MTHFD1L: variants seen among roughly 807,000 people sequenced by gnomAD.
MTHFD1L encodes the protein monofunctional C1-tetrahydrofolate synthase, mitochondrial.
Under a neutral mutation model 119.5 loss-of-function variants are expected in MTHFD1L, and 81 were observed. That is an observed-to-expected ratio of 0.68 (90% CI 0.57 to 0.82). The LOEUF is 0.82. MTHFD1L is among the 40% of genes least tolerant of loss of function. MTHFD1L has a pLI of 0.00. For missense variants in MTHFD1L, 1,125 were observed against 1,253.4 expected (o/e 0.90, Z 1.55); for synonymous variants, 430 against 475.2 (o/e 0.90, Z 1.24).
At chr6:150,875,202 C>T (rs1251435061) in intron 1 of MTHFD1L, among the ~76,000 whole-genome samples, 3 of 152,060 alleles carry the variant, frequency 2.0e-5, no homozygotes, top group Admixed American at 1.3e-4. Flanking sequence ...ACTACAGTCA[C>T]GTGCCATCAC....
intron 1 of MTHFD1L, 195 bp from the exon 2 acceptor site, chr6:150,875,895 G>A (rs144863373): frequency 2.6e-5 from 13 of 495,360 alleles, no homozygotes; most frequent in South Asian, 2.2e-4. Context: ...CTGGATTGCC[G>A]CATTTTACCT....
intron 1 of MTHFD1L, among the ~76,000 whole-genome samples, chr6:150,869,235 C>T (rs1372873821): frequency 2.6e-5 from 4 of 151,982 alleles, no homozygotes; most frequent in African/African-American, 4.8e-5. Context: ...GGTATACATG[C>T]GCCATGGTGG....
At chr6:150,969,640 G>A (rs1583868376) in intron 19 of MTHFD1L, among the ~76,000 whole-genome samples, 1 of 152,140 alleles carries the variant, frequency 6.6e-6, no homozygotes, top group East Asian at 1.9e-4. Flanking sequence ...AAGTATGAAG[G>A]TACATAGACA....
At chr6:150,889,145 C>G (rs1390939089) in intron 7 of MTHFD1L, among the ~76,000 whole-genome samples, 4 of 151,486 alleles carry the variant, frequency 2.6e-5, no homozygotes, top group Non-Finnish European at 5.9e-5. Flanking sequence ...CCACTGCACT[C>G]CAGCCTGCGC....
intron 20 of MTHFD1L, among the ~76,000 whole-genome samples, chr6:151,003,547 GGAAAGGTCA>G (rs1385140373): frequency 2.0e-5 from 3 of 151,968 alleles, no homozygotes; most frequent in African/African-American, 7.3e-5. Flanking sequence ...AAAAAAGGGG[GGAAAGGTCA>G]GAAAGACGTT....
At chr6:151,064,781 C>CTT (rs1487713760) in intron 26 of MTHFD1L, among the ~76,000 whole-genome samples, 1 of 125,886 alleles carries the variant, frequency 7.9e-6, no homozygotes, top group African/African-American at 2.5e-5. Context: ...TGTTACTATT[C>CTT]TTTTTTTGTT....
At chr6:150,955,879 G>A in intron 16 of MTHFD1L, 116 bp from the exon 17 acceptor site, 1 of 811,256 alleles carries the variant, frequency 1.2e-6, no homozygotes, top group Non-Finnish European at 2.1e-6. Context: ...GCTTGGGGGA[G>A]CCTGACCTTT....
chr6:150,951,044 G>T (rs803467), intron 16 of MTHFD1L, among the ~76,000 whole-genome samples: 85,002 of 121,828 alleles, frequency 0.7, 28,068 homozygotes, highest in East Asian at 0.96. Context: ...TTTTTTTTTT[G>T]TTTTTTTTTT....
intron 20 of MTHFD1L, among the ~76,000 whole-genome samples, chr6:151,001,246 T>C (rs1323605875): frequency 6.6e-6 from 1 of 152,172 alleles, no homozygotes; most frequent in Non-Finnish European, 1.5e-5. Context: ...AATCCGACAG[T>C]TCTAATTTCT....
chr6:150,891,793 T>TA (rs1562327458), intron 7 of MTHFD1L, among the ~76,000 whole-genome samples: 2 of 152,116 alleles, frequency 1.3e-5, no homozygotes, highest in Non-Finnish European at 2.9e-5. Context: ...TTTTTCATTT[T>TA]AAAAAATGAT....
chr6:150,948,798 GCCCA>G (rs1794433083), intron 15 of MTHFD1L, among the ~76,000 whole-genome samples: 1 of 83,396 alleles, frequency 1.2e-5, no homozygotes, highest in Non-Finnish European at 3.3e-5. Context: ...GCGCCACCAT[GCCCA>G]GCTAATTTTT....
intron 20 of MTHFD1L, among the ~76,000 whole-genome samples, chr6:151,003,657 C>T (rs1197062224): frequency 2.0e-5 from 3 of 152,158 alleles, no homozygotes; most frequent in East Asian, 1.9e-4. Context: ...AAGACACTGG[C>T]ACACAGATGA....
At chr6:150,978,345 G>A (rs1776943248) in intron 20 of MTHFD1L, among the ~76,000 whole-genome samples, 1 of 152,108 alleles carries the variant, frequency 6.6e-6, no homozygotes, top group African/African-American at 2.4e-5. Context: ...TACACATTTG[G>A]CATTTATTAT....
chr6:151,007,953 T>G (rs1781632509), intron 20 of MTHFD1L, among the ~76,000 whole-genome samples: 1 of 152,224 alleles, frequency 6.6e-6, no homozygotes, highest in Non-Finnish European at 1.5e-5. Context: ...TGTAGCTATA[T>G]TTATCCAAAT....
At chr6:150,874,729 A>G (rs1292889432) in intron 1 of MTHFD1L, among the ~76,000 whole-genome samples, 2 of 151,438 alleles carry the variant, frequency 1.3e-5, no homozygotes, top group Non-Finnish European at 2.9e-5. Flanking sequence ...GCAGTCACTC[A>G]TCCCAGAAGG....
At chr6:150,912,495 G>A (rs1036461756) in intron 8 of MTHFD1L, among the ~76,000 whole-genome samples, 7 of 152,050 alleles carry the variant, frequency 4.6e-5, no homozygotes, top group East Asian at 3.9e-4. Flanking sequence ...AGATGTTTCC[G>A]CAGAGCCGAG....
rs1450117101 is a variant in MTHFD1L at position 150,903,677 on chromosome 6, G to C, written c.781-1973G>C. Among the ~76,000 whole-genome samples, 10 of 152,232 alleles carry C rather than the reference G, an allele frequency of 6.6e-5. No homozygotes were observed. The East Asian group carries it at 1.9e-3, about 29-fold the overall frequency. ...GGGCTCAAGCAGTCTTCCCACCCTG[G>C]CCTCCCAAAGTGCTGGGATTACCCA... On this transcript the variant is annotated intron_variant, in intron 7 of 27. Coordinates refer to ENST00000367321, the MANE Select transcript of MTHFD1L (RefSeq NM_015440.5).
Position 150,882,822 on chromosome 6 carries a change from A to T in MTHFD1L, c.478A>T (p.Ile160Phe). ...DTRVHGLALQ[I>F]SENLFSNKVL... ...CAGAGTACATGGCCTTGCCCTTCAG[A>T]TCTCTGAGAACTTGTTTAGCAACAA... is the stretch of plus-strand genomic sequence containing the variant. The change falls in exon 5 of 28, where the codon ATC (isoleucine) becomes TTC (phenylalanine). Residue 160 changes from isoleucine (I) to phenylalanine (F), a missense_variant. By Grantham distance (21) the Ile-to-Phe change is conservative. Coordinates refer to ENST00000367321, the MANE Select transcript of MTHFD1L (RefSeq NM_015440.5). 6.3e-7 allele frequency: 1 copy of T among 1,579,516 alleles called. No individual in the cohort carries two copies. The highest frequency in any genetic ancestry group is 8.6e-7 in the Non-Finnish European group (1 of 1,168,924).
chr6:150,965,135 T>TCA, intron 19 of MTHFD1L, 98 bp downstream of exon 19: 1 of 1,040,586 alleles, frequency 9.6e-7, no homozygotes. Context: ...AGAGCATGCC[T>TCA]GGGGCAGCAG....
Sources: gnomAD v4.1 joint callset for allele counts (sites outside exome capture counted in the v4.1 genomes callset) on GRCh38, gnomAD v4.1.1 for gene constraint, MANE v1.5 for transcripts, NCBI Gene and HGNC (gene_info 2026-07-23, HGNC 2026-07-21) for gene names.